HCN1: variants seen among roughly 807,000 people sequenced by gnomAD.
HCN1 encodes potassium/sodium hyperpolarization-activated cyclic nucleotide-gated channel 1.
In HCN1, 13 loss-of-function variants were observed where a neutral mutation model predicts 78.9. The observed-to-expected ratio is 0.16, with a 90% CI of 0.11 to 0.26. HCN1 has a LOEUF of 0.26. Among genes scored for constraint, HCN1 ranks in the 10% least tolerant of loss-of-function variants. The pLI is 1.00. For missense variants in HCN1, 810 were observed against 1,154.3 expected, an observed-to-expected ratio of 0.70 and a Z score of 4.32; for synonymous variants, 552 against 455.5, an observed-to-expected ratio of 1.21 and a Z score of -2.70.
chr5:45,439,566 T>A (rs954612995), intron 3 of HCN1, among the ~76,000 whole-genome samples: 6 of 152,070 alleles, frequency 3.9e-5, no homozygotes, highest in African/African-American at 1.4e-4. Context: ...AATTCAAATC[T>A]CCCTTTTTAT....
At chr5:45,545,068 G>A (rs1181527132) in intron 2 of HCN1, among the ~76,000 whole-genome samples, 1 of 152,138 alleles carries the variant, frequency 6.6e-6, no homozygotes, top group Non-Finnish European at 1.5e-5. Flanking sequence ...CCCACCAACA[G>A]TGTAAAAGTG....
chr5:45,336,077 C>T (rs575590347), intron 5 of HCN1, among the ~76,000 whole-genome samples: 1 of 152,044 alleles, frequency 6.6e-6, no homozygotes, highest in African/African-American at 2.4e-5. Context: ...GGATATTTCT[C>T]AGCAGCCAGG....
At chr5:45,683,520 T>A (rs1173594086) in intron 1 of HCN1, among the ~76,000 whole-genome samples, 1 of 152,132 alleles carries the variant, frequency 6.6e-6, no homozygotes, top group Non-Finnish European at 1.5e-5. Context: ...GCCTGACCTA[T>A]CCAGAACAAG....
At chr5:45,507,691 C>T (rs942978619) in intron 2 of HCN1, among the ~76,000 whole-genome samples, 5 of 152,040 alleles carry the variant, frequency 3.3e-5, no homozygotes, top group Non-Finnish European at 7.4e-5. Context: ...ACACGAATAT[C>T]AAATTATGAA....
intron 5 of HCN1, among the ~76,000 whole-genome samples, chr5:45,310,334 C>T (rs189275924): frequency 2.1e-3 from 320 of 151,976 alleles, no homozygotes; most frequent in African/African-American, 7.3e-3. Flanking sequence ...TACAAACAAC[C>T]CCATTAAAAA....
At chr5:45,365,980 A>C (rs1747226113) in intron 4 of HCN1, among the ~76,000 whole-genome samples, 1 of 151,888 alleles carries the variant, frequency 6.6e-6, no homozygotes, top group Admixed American at 6.6e-5. Context: ...TAAGGACATA[A>C]TGTTTCATAA....
At chr5:45,331,012 A>G (rs1254410457) in intron 5 of HCN1, among the ~76,000 whole-genome samples, 1 of 151,106 alleles carries the variant, frequency 6.6e-6, no homozygotes, top group Non-Finnish European at 1.5e-5. Flanking sequence ...TATAATTTAG[A>G]TGATAGAATT....
At chr5:45,335,066 C>T (rs770237705) in intron 5 of HCN1, among the ~76,000 whole-genome samples, 12 of 152,072 alleles carry the variant, frequency 7.9e-5, no homozygotes, top group Admixed American at 5.9e-4. Context: ...ATGAAATATA[C>T]TGACATTCTA....
At chr5:45,280,380 T>G (rs904818119) in intron 6 of HCN1, among the ~76,000 whole-genome samples, 1 of 152,214 alleles carries the variant, frequency 6.6e-6, no homozygotes, top group African/African-American at 2.4e-5. Flanking sequence ...ATTTGACTAA[T>G]ATTAACTTCT....
intron 3 of HCN1, among the ~76,000 whole-genome samples, chr5:45,455,356 T>C (rs1741009067): frequency 6.6e-6 from 1 of 152,066 alleles, no homozygotes; most frequent in Non-Finnish European, 1.5e-5. Flanking sequence ...TATAAATGTA[T>C]TCATTGTTGA....
chr5:45,395,121 G>T (rs1739662219), intron 4 of HCN1, among the ~76,000 whole-genome samples: 1 of 151,520 alleles, frequency 6.6e-6, no homozygotes, highest in African/African-American at 2.4e-5. Context: ...TTAAACATTT[G>T]TTTTCTTATT....
chr5:45,500,748 C>A (rs1742171257), intron 2 of HCN1, among the ~76,000 whole-genome samples: 1 of 152,126 alleles, frequency 6.6e-6, no homozygotes, highest in South Asian at 2.1e-4. Context: ...ATAACTCTGG[C>A]ATACTATCCT....
At chr5:45,605,641 C>A (rs1744710486) in intron 2 of HCN1, among the ~76,000 whole-genome samples, 1 of 151,650 alleles carries the variant, frequency 6.6e-6, no homozygotes, top group Non-Finnish European at 1.5e-5. Flanking sequence ...AGTACATAGC[C>A]AAAGAGACTG....
chr5:45,560,777 A>T (rs114676153), intron 2 of HCN1, among the ~76,000 whole-genome samples: 3,338 of 152,200 alleles, frequency 0.022, 65 homozygotes, highest in Middle Eastern at 0.071. Flanking sequence ...ATCTAGTAAT[A>T]ATCTGAAGAC....
chr5:45,373,059 A>G (rs1183827053), intron 4 of HCN1, among the ~76,000 whole-genome samples: 2 of 136,146 alleles, frequency 1.5e-5, no homozygotes, highest in African/African-American at 2.7e-5. Flanking sequence ...TAATATATAT[A>G]AAATATATGT....
At chr5:45,316,127 C>T (rs1373014773) in intron 5 of HCN1, among the ~76,000 whole-genome samples, 2 of 152,152 alleles carry the variant, frequency 1.3e-5, no homozygotes, top group Non-Finnish European at 2.9e-5. Flanking sequence ...GAATTTTAGA[C>T]CAATATCCCT....
chr5:45,372,418 T>C (rs1226515951), intron 4 of HCN1, among the ~76,000 whole-genome samples: 1 of 120,542 alleles, frequency 8.3e-6, no homozygotes. Context: ...ATTATATAAA[T>C]ATGTAAAATA....
chr5:45,617,409 G>A (rs771452368), intron 2 of HCN1: 3 of 152,064 alleles, frequency 2.0e-5, no homozygotes, highest in Non-Finnish European at 4.4e-5. Context: ...TTCCATCTGT[G>A]GTTCCACTGT....
chr5:45,332,936 T>C (rs1316726081), intron 5 of HCN1, among the ~76,000 whole-genome samples: 1 of 151,752 alleles, frequency 6.6e-6, no homozygotes. Context: ...TTGTGAACAG[T>C]GCTGCAACAA....
Sources: allele counts gnomAD v4.1 joint callset (sites outside exome capture counted in the v4.1 genomes callset), GRCh38; gene constraint gnomAD v4.1.1; transcripts MANE v1.5; gene names NCBI Gene and HGNC (gene_info 2026-07-23, HGNC 2026-07-21).